Variants in DTNB observed in about 807,000 individuals in gnomAD.
DTNB encodes the protein DTN-B.
In DTNB, 63 loss-of-function variants were observed where a neutral mutation model predicts 90.7. That is an observed-to-expected ratio of 0.69 (90% confidence interval 0.57 to 0.86). The LOEUF (loss-of-function observed/expected upper bound fraction) is 0.86, where lower values mean the gene tolerates loss of function less well. DTNB is among the 40% of genes least tolerant of loss of function. The pLI, the probability that DTNB is intolerant of heterozygous loss-of-function variation, is 0.00. For synonymous variants in DTNB, 277 were observed against 286.7 expected (o/e 0.97, Z 0.34); for missense variants, 744 against 807.1 (o/e 0.92, Z 0.95).
At chr2:25,663,302 C>T (rs1006595263) in intron 1 of DTNB, among the ~76,000 whole-genome samples, 2 of 152,054 alleles carry the variant, frequency 1.3e-5, no homozygotes, top group Non-Finnish European at 2.9e-5. Context: ...TTTCTTTATC[C>T]GTTCTATTAT....
intron 16 of DTNB, among the ~76,000 whole-genome samples, chr2:25,393,305 C>T (rs1223689577): frequency 6.6e-6 from 1 of 152,078 alleles, no homozygotes; most frequent in Non-Finnish European, 1.5e-5. Context: ...GAGAGCATTC[C>T]CCCTGAGAAC....
chr2:25,435,353 G>A (rs973877866), intron 12 of DTNB, among the ~76,000 whole-genome samples: 1 of 152,146 alleles, frequency 6.6e-6, no homozygotes, highest in Non-Finnish European at 1.5e-5. Flanking sequence ...TCATGAGGTT[G>A]TGAAGCCACC....
At chr2:25,580,679 T>C (rs1464628517) in intron 7 of DTNB, 42 bp downstream of exon 7, 15 of 1,541,008 alleles carry the variant, frequency 9.7e-6, no homozygotes, top group Non-Finnish European at 1.3e-5. Flanking sequence ...GTTCCTATAC[T>C]TTCTATAGCA....
chr2:25,581,232 C>T (rs1443484262), intron 6 of DTNB, among the ~76,000 whole-genome samples: 3 of 152,110 alleles, frequency 2.0e-5, no homozygotes, highest in African/African-American at 7.2e-5. Flanking sequence ...AGTATAAGAG[C>T]AGGGACTGTG....
chr2:25,608,926 C>T (rs192891415), intron 4 of DTNB, among the ~76,000 whole-genome samples: 3 of 152,252 alleles, frequency 2.0e-5, no homozygotes, highest in Admixed American at 2.0e-4. Context: ...GAAGAATCCA[C>T]CTAGTGGGGA....
intron 19 of DTNB, among the ~76,000 whole-genome samples, chr2:25,380,216 G>T (rs558711378): frequency 6.6e-6 from 1 of 152,150 alleles, no homozygotes; most frequent in Non-Finnish European, 1.5e-5. Flanking sequence ...ACGTCAGTAT[G>T]GTTTCAACCC....
intron 8 of DTNB, among the ~76,000 whole-genome samples, chr2:25,573,868 A>G (rs1265935668): frequency 6.6e-6 from 1 of 152,208 alleles, no homozygotes; most frequent in East Asian, 1.9e-4. Context: ...CAAAGTTCTT[A>G]TCATGCCTCC....
intron 9 of DTNB, among the ~76,000 whole-genome samples, chr2:25,509,751 T>C (rs1389868442): frequency 1.4e-5 from 2 of 142,534 alleles, no homozygotes; most frequent in African/African-American, 5.2e-5. Flanking sequence ...AGATTCTTTT[T>C]TTTTTTTTTT....
chr2:25,453,077 T>C (rs1197612193), intron 11 of DTNB, among the ~76,000 whole-genome samples: 2 of 152,112 alleles, frequency 1.3e-5, no homozygotes, highest in Non-Finnish European at 2.9e-5. Context: ...TGCTTAACGA[T>C]ACAAGTGGAT....
intron 12 of DTNB, among the ~76,000 whole-genome samples, chr2:25,447,527 A>G (rs1431033317): frequency 7.3e-6 from 1 of 137,390 alleles, no homozygotes; most frequent in East Asian, 2.0e-4. Flanking sequence ...TTTTTGAGAC[A>G]AGAGTCTTGC....
chr2:25,538,713 A>G (rs1575529963), intron 8 of DTNB, among the ~76,000 whole-genome samples: 1 of 152,216 alleles, frequency 6.6e-6, no homozygotes, highest in South Asian at 2.1e-4. Context: ...CAGCCTCCCA[A>G]AGTGCTGGGA....
intron 10 of DTNB, among the ~76,000 whole-genome samples, chr2:25,472,911 A>C (rs2063077390): frequency 2.0e-5 from 3 of 152,120 alleles, no homozygotes; most frequent in Admixed American, 1.3e-4. Flanking sequence ...AATAATTAAC[A>C]ATTCATTTTC....
intron 16 of DTNB, among the ~76,000 whole-genome samples, chr2:25,411,278 G>A (rs2046533312): frequency 6.6e-6 from 1 of 151,692 alleles, no homozygotes; most frequent in Admixed American, 6.6e-5. Context: ...AGAGTCACTT[G>A]AACCCGGGAT....
In DTNB at chr2:25,531,455, A is replaced by C. The variant is rs200951929; in HGVS notation, c.1001+18T>G. 6.2e-7 allele frequency: 1 copy of C among 1,606,792 alleles called. No individual in the cohort carries two copies. Among genetic ancestry groups the C allele is most frequent in the Non-Finnish European group, 8.5e-7 (1 of 1,177,818 alleles). On this transcript the variant is annotated intron_variant, in intron 9 of 20. Coordinates refer to ENST00000406818, the MANE Select transcript of DTNB (RefSeq NM_021907.5). ...CCATTTCAGTGTGATCCACATGCAC[A>C]TCCAGGGGTATACTTACACTATATG... is the stretch of plus-strand genomic sequence containing the variant.
At chr2:25,585,373 A>G (rs998672828) in intron 6 of DTNB, among the ~76,000 whole-genome samples, 1 of 152,160 alleles carries the variant, frequency 6.6e-6, no homozygotes, top group African/African-American at 2.4e-5. Flanking sequence ...GCCTCCCTCT[A>G]TAAAACACTG....
intron 19 of DTNB, among the ~76,000 whole-genome samples, chr2:25,381,177 T>A (rs2037604261): frequency 6.6e-6 from 1 of 152,110 alleles, no homozygotes; most frequent in Non-Finnish European, 1.5e-5. Flanking sequence ...TGCTAGGATT[T>A]GGTTGGCATG....
chr2:25,531,322 A>C (rs890261867), intron 9 of DTNB, 151 bp downstream of exon 9: 1 of 1,258,114 alleles, frequency 7.9e-7, no homozygotes. Context: ...TTTACAGAGA[A>C]GAAAGCTTGA....
chr2:25,556,782 C>T (rs1004229216), intron 8 of DTNB, among the ~76,000 whole-genome samples: 5 of 152,032 alleles, frequency 3.3e-5, no homozygotes, highest in African/African-American at 7.3e-5. Context: ...TAAGGGAAAG[C>T]TGGGAGGATG....
intron 9 of DTNB, among the ~76,000 whole-genome samples, chr2:25,485,958 C>T (rs1283426925): frequency 2.0e-5 from 3 of 151,840 alleles, no homozygotes; most frequent in African/African-American, 7.3e-5. Flanking sequence ...CCCATCTCTA[C>T]TAAAAATATA....
Sources: allele counts gnomAD v4.1 joint callset (sites outside exome capture counted in the v4.1 genomes callset), GRCh38; gene constraint gnomAD v4.1.1; transcripts MANE v1.5; gene names NCBI Gene and HGNC (gene_info 2026-07-23, HGNC 2026-07-21).